WIPI1: variants seen among roughly 807,000 people sequenced by gnomAD.
The protein encoded by WIPI1 is WD repeat domain phosphoinositide-interacting protein 1.
Under a neutral mutation model 55.3 loss-of-function variants are expected in WIPI1, and 45 were observed. The ratio of observed to expected loss-of-function variants is 0.81; its 90% CI spans 0.64 to 1.04. The LOEUF (loss-of-function observed/expected upper bound fraction) is 1.04, where lower values mean the gene tolerates loss of function less well. Among genes scored for constraint, WIPI1 ranks in the 50% least tolerant of loss-of-function variants. The pLI is 0.00. For synonymous variants in WIPI1, 195 were observed against 217.6 expected, an observed-to-expected ratio of 0.90 and a Z score of 0.92; for missense variants, 445 against 559.0, an observed-to-expected ratio of 0.80 and a Z score of 2.06.
chr17:68,428,560 T>G, intron 10 of WIPI1: 1 of 316,562 alleles, frequency 3.2e-6, no homozygotes, highest in Non-Finnish European at 6.0e-6. Context: ...ACACCCACTG[T>G]GAGCTCAGGG....
intron 4 of WIPI1, chr17:68,441,036 T>G (rs898292881): frequency 6.6e-6 from 1 of 152,222 alleles, no homozygotes; most frequent in East Asian, 1.9e-4. Flanking sequence ...TGTTCAATGA[T>G]CTGCATTGCT....
Position 68,427,167 on chromosome 17 carries a change from C to G in WIPI1, c.1160G>C (p.Arg387Thr). The G allele has an allele frequency of 1.2e-6, 2 of 1,614,150 alleles. No individual in the cohort carries two copies. Among genetic ancestry groups the G allele is most frequent in the Non-Finnish European group, 1.7e-6 (2 of 1,180,010 alleles). Residue 387 changes from arginine (R) to threonine (T), a missense_variant, in exon 11 of 13, where the codon AGA becomes ACA. By Grantham distance (71) the Arg-to-Thr change is moderately conservative. Coordinates refer to ENST00000262139, the MANE Select transcript of WIPI1 (RefSeq NM_017983.7). Reference sequence around the variant, plus strand: ...CGTGGAGGCTGAAGATGCACTTGGTCTGGCTACGGTCGCTGCATAAGACTG... The same window carrying G: ...CGTGGAGGCTGAAGATGCACTTGGTGTGGCTACGGTCGCTGCATAAGACTG... ...LPQSYAATVA[R>T]PSASSASTVP...
intron 12 of WIPI1, chr17:68,422,165 C>A (rs768711144): frequency 9.1e-6 from 2 of 218,590 alleles, no homozygotes; most frequent in African/African-American, 2.3e-5. Context: ...CGGTGGCTCA[C>A]GCCTGTAATC....
chr17:68,430,314 C>T (rs1048858451), intron 8 of WIPI1, among the ~76,000 whole-genome samples, 154 bp from the exon 9 acceptor site: 8 of 152,180 alleles, frequency 5.3e-5, no homozygotes, highest in Admixed American at 2.6e-4. Flanking sequence ...CAATCCAGGA[C>T]GTATTATTCT....
At chr17:68,440,885 C>A (rs903518720) in intron 4 of WIPI1, 1 of 152,194 alleles carries the variant, frequency 6.6e-6, no homozygotes, top group Non-Finnish European at 1.5e-5. Flanking sequence ...TCTCAGGTTA[C>A]GCTTTCCGAT....
chr17:68,449,665 C>T (rs545147182), intron 3 of WIPI1, among the ~76,000 whole-genome samples: 156 of 152,326 alleles, frequency 1.0e-3, no homozygotes, highest in African/African-American at 2.6e-3. Flanking sequence ...CGCCTGCTCC[C>T]GCTTTGCCTT....
At chr17:68,428,756 T>A in intron 10 of WIPI1, 73 bp downstream of exon 10, 1 of 1,192,960 alleles carries the variant, frequency 8.4e-7, no homozygotes. Context: ...CTGAAGCTTG[T>A]CGTTCTTGGC....
At chr17:68,431,071 T>C (rs2083487611) in intron 8 of WIPI1, among the ~76,000 whole-genome samples, 1 of 152,188 alleles carries the variant, frequency 6.6e-6, no homozygotes, top group Non-Finnish European at 1.5e-5. Flanking sequence ...ATCCTTGTAC[T>C]GTCTGTCCCA....
chr17:68,453,479 C>CTTTT (rs112934024), intron 1 of WIPI1, among the ~76,000 whole-genome samples: 2 of 136,200 alleles, frequency 1.5e-5, no homozygotes, highest in East Asian at 2.1e-4. Context: ...TTTTCTTTTC[C>CTTTT]TTTTTTTTTT....
At chr17:68,433,375 T>C (rs1223398085) in intron 8 of WIPI1, 93 bp downstream of exon 8, 1 of 1,176,126 alleles carries the variant, frequency 8.5e-7, no homozygotes, top group Non-Finnish European at 1.3e-6. Flanking sequence ...AGATTGGGTG[T>C]TCAGAAAGAA....
chr17:68,431,070 C>A lies in WIPI1; in HGVS notation c.801-910G>T, dbSNP rs149770221. Among the ~76,000 whole-genome samples, 424 of 152,322 alleles carry A rather than the reference C, an allele frequency of 2.8e-3. 5 individuals are homozygous for A. The highest frequency in any genetic ancestry group is 9.8e-3 in the African/African-American group (409 of 41,556). Reference sequence around the variant, plus strand: ...CGAAGCATCCTGAGACATCCTTGTACTGTCTGTCCCACAGCCCTGTGCTCC... The same window carrying A: ...CGAAGCATCCTGAGACATCCTTGTAATGTCTGTCCCACAGCCCTGTGCTCC... On this transcript the variant is annotated intron_variant, in intron 8 of 12. Transcript: ENST00000262139.
chr17:68,434,077 T>C (rs938104852), intron 7 of WIPI1, among the ~76,000 whole-genome samples: 11 of 152,120 alleles, frequency 7.2e-5, no homozygotes, highest in Non-Finnish European at 1.0e-4. Context: ...GCCCATAGTC[T>C]TATTTATGTG....
rs1714680969 is a variant in WIPI1, at chr17:68,452,923, T to G, written c.150A>C (p.Gln50His). The G allele has an allele frequency of 6.2e-7, 1 of 1,614,000 alleles. No individual in the cohort carries two copies. Among genetic ancestry groups the G allele is most frequent in the African/African-American group, 1.3e-5 (1 of 75,054 alleles). The change falls in exon 2 of 13, where the codon CAA becomes CAC. Residue 50 changes from glutamine to histidine, a missense_variant. Transcript: ENST00000262139. Reference sequence around the variant, plus strand: ...ACACACACTTACTGCTTCCGTGGACTTGATCCAGCTGCTCCACAGAACTCA... The same window carrying G: ...ACACACACTTACTGCTTCCGTGGACGTGATCCAGCTGCTCCACAGAACTCA... ...FSLSSVEQLD[Q>H]VHGSNEIPDV...
In WIPI1 at chr17:68,428,792, T is replaced by C. The variant is rs796627798; in HGVS notation, c.1073+37A>G. The C allele has an allele frequency of 5.3e-6, 8 of 1,521,518 alleles. No individual in the cohort carries two copies. The African/African-American group carries it at 1.1e-4, about 21-fold the overall frequency. 94.3% of individuals were successfully genotyped at this position (1,521,518 alleles called of 1,614,324 possible). A position where few individuals can be genotyped will look rare whatever the true frequency, so the allele number is the denominator to read the frequency against. On this transcript the variant is annotated intron_variant, in intron 10 of 12. Transcript: ENST00000262139. The stretch of plus-strand genomic sequence containing the variant: ...GAAGGGACAACTCTACACGACCAGC[T>C]CTCGAAAGGCTGTCTTTTGAAAAGC...
chr17:68,454,074 C>A (rs1180344420), intron 1 of WIPI1, among the ~76,000 whole-genome samples: 1 of 152,170 alleles, frequency 6.6e-6, no homozygotes. Context: ...TAAAAAAAAT[C>A]TGGTTCTCTT....
In WIPI1 at chr17:68,431,763, C is replaced by T. The variant is rs11077557; in HGVS notation, c.801-1603G>A. On this transcript the variant is annotated intron_variant, in intron 8 of 12. Coordinates refer to ENST00000262139, the MANE Select transcript of WIPI1 (RefSeq NM_017983.7). ...TAACCGCCGGGGACATATGAACACC[C>T]GTGGACAGGTTGAGCGGAGAACCCA... 6.8e-3 allele frequency among the ~76,000 whole-genome samples: 797 copies of T among 117,456 alleles called. 9 individuals are homozygous for T. The highest frequency in any genetic ancestry group is 0.014 in the South Asian group (48 of 3,432). 77.1% of individuals were successfully genotyped at this position (117,456 alleles called of 152,430 possible).
intron 12 of WIPI1, chr17:68,424,548 G>C: frequency 7.6e-6 from 4 of 529,428 alleles, no homozygotes; most frequent in Non-Finnish European, 1.6e-5. Flanking sequence ...GCTCCTCTCT[G>C]GCTCTAGGAG....
At chr17:68,424,833 C>T (rs2083052384) in intron 12 of WIPI1, among the ~76,000 whole-genome samples, 1 of 152,200 alleles carries the variant, frequency 6.6e-6, no homozygotes. Context: ...GCCGAGATCA[C>T]ACCACTGCAC....
chr17:68,434,429 T>C, intron 7 of WIPI1, 127 bp downstream of exon 7: 1 of 854,588 alleles, frequency 1.2e-6, no homozygotes, highest in South Asian at 1.8e-5. Flanking sequence ...CCTGGGAGAG[T>C]AGTTACACTT....
Sources: allele counts gnomAD v4.1 joint callset (sites outside exome capture counted in the v4.1 genomes callset), GRCh38; gene constraint gnomAD v4.1.1; transcripts MANE v1.5; gene names NCBI Gene and HGNC (gene_info 2026-07-23, HGNC 2026-07-21).